LINGO2: variants seen among roughly 807,000 people sequenced by gnomAD.
LINGO2 encodes the protein leucine rich repeat and Ig domain containing 2, also known as leucine-rich repeat and immunoglobulin-like domain-containing nogo receptor-interacting protein 2.
Under a neutral mutation model 30.6 loss-of-function variants are expected in LINGO2, and 14 were observed. That is an observed-to-expected ratio of 0.46 (90% CI 0.30 to 0.72). The LOEUF is 0.72. Ranked by LOEUF, LINGO2 falls within the 30% of genes least tolerant of loss-of-function variation. LINGO2 has a pLI of 0.07. For synonymous variants in LINGO2, 317 were observed against 288.5 expected, an observed-to-expected ratio of 1.10 and a Z score of -1.00; for missense variants, 729 against 751.7, an observed-to-expected ratio of 0.97 and a Z score of 0.35.
chr9:29,043,272 AGGAGTTAAGAAACTTGGAT>A, the LINGO2 span, among the ~76,000 whole-genome samples: 327 of 152,118 alleles, frequency 2.1e-3, no homozygotes, highest in Non-Finnish European at 3.9e-3. Context: ...GTGCTGACAT[AGGAGTTAAGAAACTTGGAT>A]TCTGCTCCAT....
At chr9:29,084,703 T>C in the LINGO2 span, among the ~76,000 whole-genome samples, 1 of 151,944 alleles carries the variant, frequency 6.6e-6, no homozygotes, top group African/African-American at 2.4e-5. Flanking sequence ...CTTGATCATA[T>C]CAAATTTCCG....
the LINGO2 span, among the ~76,000 whole-genome samples, chr9:29,203,405 G>A: frequency 6.6e-6 from 1 of 152,100 alleles, no homozygotes; most frequent in Non-Finnish European, 1.5e-5. Flanking sequence ...GATGGTTAAG[G>A]CCACTTACAG....
intron 4 of LINGO2, among the ~76,000 whole-genome samples, chr9:28,068,898 C>T (rs1393414659): frequency 1.3e-5 from 2 of 152,106 alleles, no homozygotes; most frequent in Non-Finnish European, 2.9e-5. Flanking sequence ...CATGTGCTTA[C>T]TATAATCACT....
rs532765692 is a variant in LINGO2, at chr9:28,121,069, C to CT, written c.-86-108665dup. Among the ~76,000 whole-genome samples, 16 of 152,226 alleles carry CT rather than the reference C, an allele frequency of 1.1e-4. No individual in the cohort carries two copies. The South Asian group carries it at 2.1e-3, about 20-fold the overall frequency. Reference sequence around the variant, plus strand: ...CCCTCAAAATTATATTTTAGATACACTGATAGAAGATTTTTGGGTCTCCAG... The same window carrying CT: ...CCCTCAAAATTATATTTTAGATACACTTGATAGAAGATTTTTGGGTCTCCAG... On this transcript the variant is annotated intron_variant, in intron 4 of 5. Transcript: ENST00000379992.
chr9:28,741,892 G>T, the LINGO2 span, among the ~76,000 whole-genome samples: 1 of 151,862 alleles, frequency 6.6e-6, no homozygotes, highest in African/African-American at 2.4e-5. Flanking sequence ...CTTGGGTTTA[G>T]CCTGGTGCTG....
intron 1 of LINGO2, among the ~76,000 whole-genome samples, chr9:28,608,984 G>GA (rs1825803415): frequency 6.6e-6 from 1 of 151,810 alleles, no homozygotes; most frequent in Non-Finnish European, 1.5e-5. Flanking sequence ...ATTTGGGGCA[G>GA]AAAAATGTTC....
At chr9:28,998,928 A>G in the LINGO2 span, among the ~76,000 whole-genome samples, 1 of 152,142 alleles carries the variant, frequency 6.6e-6, no homozygotes. Context: ...CCGTAATTTT[A>G]GAATGTATTT....
At chr9:28,243,464 T>A (rs10968410) in intron 4 of LINGO2, among the ~76,000 whole-genome samples, 120,535 of 146,738 alleles carry the variant, frequency 0.82, 49,815 homozygotes, top group African/African-American at 0.91. Flanking sequence ...TCTCAAAAAA[T>A]AAAAAAAGAA....
chr9:28,150,578 G>A (rs565484828), intron 4 of LINGO2, among the ~76,000 whole-genome samples: 3 of 152,258 alleles, frequency 2.0e-5, no homozygotes, highest in East Asian at 1.9e-4. Flanking sequence ...GCAAGATTCC[G>A]TCCTGAAACG....
At chr9:28,079,511 T>C (rs2133211309) in intron 4 of LINGO2, among the ~76,000 whole-genome samples, 1 of 152,364 alleles carries the variant, frequency 6.6e-6, no homozygotes, top group Non-Finnish European at 1.5e-5. Flanking sequence ...TTATGCTCTC[T>C]GTCCCCTTCC....
chr9:29,058,663 C>T, the LINGO2 span, among the ~76,000 whole-genome samples: 1 of 151,558 alleles, frequency 6.6e-6, no homozygotes, highest in Admixed American at 6.6e-5. Context: ...ACATCATAAT[C>T]AAATCCCTGA....
At chr9:28,876,713 G>T in the LINGO2 span, among the ~76,000 whole-genome samples, 13,493 of 152,010 alleles carry the variant, frequency 0.089, 676 homozygotes, top group Middle Eastern at 0.13. Flanking sequence ...ATAAACATAC[G>T]TGTGCAGGTG....
In LINGO2 at chr9:28,560,207, C is replaced by T. The variant is rs578116469; in HGVS notation, c.-364-84182G>A. Reference sequence around the variant, plus strand: ...ATCTGTATAGCTGGCCCACATTGCCCAGATAATCTGGCTAAGCATTATTCT... The same window carrying T: ...ATCTGTATAGCTGGCCCACATTGCCTAGATAATCTGGCTAAGCATTATTCT... On this transcript the variant is annotated intron_variant, in intron 1 of 5. Transcript: ENST00000379992. Among the ~76,000 whole-genome samples, 7 of 152,158 alleles carry T rather than the reference C, an allele frequency of 4.6e-5. No homozygotes were observed. The East Asian group carries it at 1.4e-3, about 29-fold the overall frequency.
At chr9:28,779,639 C>T in the LINGO2 span, among the ~76,000 whole-genome samples, 1 of 152,108 alleles carries the variant, frequency 6.6e-6, no homozygotes, top group African/African-American at 2.4e-5. Flanking sequence ...TATCACCTGT[C>T]AAAGTCAATT....
intron 1 of LINGO2, among the ~76,000 whole-genome samples, chr9:28,515,373 A>G (rs1379864203): frequency 6.6e-6 from 1 of 151,856 alleles, no homozygotes; most frequent in Admixed American, 6.6e-5. Flanking sequence ...CGCCTGGCTA[A>G]TTTTTTGTAT....
chr9:28,260,286 A>G (rs1822520659), intron 4 of LINGO2, among the ~76,000 whole-genome samples: 1 of 151,520 alleles, frequency 6.6e-6, no homozygotes, highest in Non-Finnish European at 1.5e-5. Context: ...TGAACTGCCA[A>G]GAGAACTAAT....
At chr9:28,161,251 G>A (rs1828277056) in intron 4 of LINGO2, among the ~76,000 whole-genome samples, 1 of 152,050 alleles carries the variant, frequency 6.6e-6, no homozygotes, top group African/African-American at 2.4e-5. Flanking sequence ...AGGCCTCTAG[G>A]ACTACTTGGG....
chr9:28,309,315 A>T (rs1824508707), intron 3 of LINGO2, among the ~76,000 whole-genome samples: 1 of 152,116 alleles, frequency 6.6e-6, no homozygotes, highest in Admixed American at 6.5e-5. Context: ...CCTCATTCTC[A>T]GTAAACTATC....
chr9:27,991,355 T>C (rs1224231612), intron 5 of LINGO2, among the ~76,000 whole-genome samples: 1 of 152,052 alleles, frequency 6.6e-6, no homozygotes, highest in Non-Finnish European at 1.5e-5. Flanking sequence ...GGCTTTGGTC[T>C]TTTTACCTCA....
Sources: allele counts gnomAD v4.1 joint callset (sites outside exome capture counted in the v4.1 genomes callset), GRCh38; gene constraint gnomAD v4.1.1; transcripts MANE v1.5; gene names NCBI Gene and HGNC (gene_info 2026-07-23, HGNC 2026-07-21).